FLT1: variants seen among roughly 807,000 people sequenced by gnomAD.
FLT1 encodes the protein vascular endothelial growth factor receptor 1.
A neutral mutation model predicts 156.3 loss-of-function variants in FLT1; 49 were observed. The observed-to-expected ratio is 0.31, with a 90% CI of 0.25 to 0.40. The LOEUF is 0.40. FLT1 is among the 10% of genes least tolerant of loss of function. The pLI, the probability that FLT1 is intolerant of heterozygous loss-of-function variation, is 1.00. For synonymous variants in FLT1, 594 were observed against 583.8 expected (o/e 1.02, Z -0.25); for missense variants, 1,322 against 1,637.2 (o/e 0.81, Z 3.32).
Position 28,323,371 on chromosome 13 carries a change from G to T in FLT1, c.2797-425C>A, listed in dbSNP as rs946965999. ...ATGCAGCTAATAAATAGCAAAGCTGGCCGGGCACAGTGGCTCACGCCTGTA... is the reference window on the plus strand; with the variant it reads ...ATGCAGCTAATAAATAGCAAAGCTGTCCGGGCACAGTGGCTCACGCCTGTA... On this transcript the variant is annotated intron_variant, in intron 20 of 29. Coordinates refer to ENST00000282397, the MANE Select transcript of FLT1 (RefSeq NM_002019.4). Among the ~76,000 whole-genome samples, 5 of 152,186 alleles carry T rather than the reference G, an allele frequency of 3.3e-5. No homozygotes were observed. In the East Asian group the frequency reaches 7.7e-4, roughly 23 times the overall value.
Position 28,469,105 on chromosome 13 carries a change from G to A in FLT1, c.65-1488C>T, listed in dbSNP as rs551528311. Among the ~76,000 whole-genome samples, 6 of 152,248 alleles carry A rather than the reference G, an allele frequency of 3.9e-5. No individual in the cohort carries two copies. In the East Asian group the frequency reaches 5.8e-4, roughly 15 times the overall value. ...CTTCCCAGGCAGCTGCAATGCCTCC[G>A]AAAGGCAGGGAATGAGGGGCCCAGG... On this transcript the variant is annotated intron_variant, in intron 1 of 29. Transcript: ENST00000282397.
chr13:28,474,505 C>CACACACACACACACACAGAGACACACAG (rs1555245751), intron 1 of FLT1, among the ~76,000 whole-genome samples: 5 of 150,804 alleles, frequency 3.3e-5, no homozygotes, highest in Admixed American at 1.3e-4. Flanking sequence ...CACACACACA[C>CACACACACACACACACAGAGACACACAG]ACACACACAC....
At chr13:28,446,376 C>G (rs964078783) in intron 3 of FLT1, among the ~76,000 whole-genome samples, 1 of 152,128 alleles carries the variant, frequency 6.6e-6, no homozygotes, top group African/African-American at 2.4e-5. Flanking sequence ...GGAAAACAGT[C>G]TCTGTTTTCA....
chr13:28,388,339 C>T, intron 13 of FLT1: 1 of 1,058,074 alleles, frequency 9.5e-7, no homozygotes, highest in African/African-American at 1.6e-5. Context: ...AATCTGTTAC[C>T]TAAAGGAGGA....
At chr13:28,365,853 TTACTC>T (rs1199200275) in intron 14 of FLT1, among the ~76,000 whole-genome samples, 1 of 152,210 alleles carries the variant, frequency 6.6e-6, no homozygotes, top group Non-Finnish European at 1.5e-5. Context: ...TTATTTCTCT[TTACTC>T]TAAGAAGCTG....
intron 12 of FLT1, among the ~76,000 whole-genome samples, chr13:28,395,604 G>A (rs977205058): frequency 7.7e-5 from 11 of 142,818 alleles, no homozygotes; most frequent in East Asian, 1.9e-4. Context: ...TTAAAAAAAC[G>A]TGGTTACTAG....
At chr13:28,308,570 G>T (rs2138809517) in intron 28 of FLT1, 1 of 454,262 alleles carries the variant, frequency 2.2e-6, no homozygotes, top group Non-Finnish European at 4.1e-6. Flanking sequence ...TGACAGCTAA[G>T]CAGCTTAGAA....
intron 1 of FLT1, among the ~76,000 whole-genome samples, chr13:28,482,765 T>C (rs1880935098): frequency 6.6e-6 from 1 of 152,246 alleles, no homozygotes; most frequent in Non-Finnish European, 1.5e-5. Context: ...CTAAGTTTAA[T>C]GTCAGTCTCA....
At chr13:28,424,119 A>C (rs1398456676) in intron 10 of FLT1, among the ~76,000 whole-genome samples, 1 of 151,786 alleles carries the variant, frequency 6.6e-6, no homozygotes, top group Non-Finnish European at 1.5e-5. Flanking sequence ...TTGTATTTTA[A>C]GTAGTGGCGG....
At chr13:28,347,068 T>C (rs993338525) in intron 15 of FLT1, among the ~76,000 whole-genome samples, 19 of 152,146 alleles carry the variant, frequency 1.2e-4, no homozygotes, top group Admixed American at 1.1e-3. Flanking sequence ...ACAAAGAAAT[T>C]AGATTTTGAA....
rs80221128 is a variant in FLT1, at chr13:28,477,139, G to A, written c.65-9522C>T. 6.1e-3 allele frequency among the ~76,000 whole-genome samples: 926 copies of A among 152,228 alleles called. 6 individuals are homozygous for A. The highest frequency in any genetic ancestry group is 0.021 in the African/African-American group (869 of 41,528). On this transcript the variant is annotated intron_variant, in intron 1 of 29. Transcript: ENST00000282397. The stretch of plus-strand genomic sequence containing the variant: ...CATTCCTACTGTCTATGTTTATGAG[G>A]GAAACATGTCTTCCGCATGCCTCTC...
chr13:28,358,076 T>C (rs373219846), intron 14 of FLT1, among the ~76,000 whole-genome samples: 1 of 152,184 alleles, frequency 6.6e-6, no homozygotes, highest in Non-Finnish European at 1.5e-5. Flanking sequence ...GCCCTCTGTG[T>C]GCTCGGCACT....
chr13:28,441,372 C>T (rs1162365984), intron 3 of FLT1, among the ~76,000 whole-genome samples: 2 of 152,148 alleles, frequency 1.3e-5, no homozygotes, highest in Admixed American at 1.3e-4. Flanking sequence ...TAGTTTGCTT[C>T]CTCTCATTCC....
chr13:28,421,902 C>T (rs1449056205), intron 10 of FLT1, among the ~76,000 whole-genome samples: 1 of 152,164 alleles, frequency 6.6e-6, no homozygotes, highest in African/African-American at 2.4e-5. Context: ...AAGAACTGGC[C>T]AAGGTCACAC....
chr13:28,351,498 C>T (rs1008869037), intron 15 of FLT1, among the ~76,000 whole-genome samples: 8 of 152,152 alleles, frequency 5.3e-5, no homozygotes, highest in African/African-American at 1.9e-4. Flanking sequence ...ATCCAGGTAA[C>T]CTTACTTACT....
intron 4 of FLT1, 94 bp from the exon 5 acceptor site, chr13:28,434,314 TA>T: frequency 8.3e-7 from 1 of 1,210,262 alleles, no homozygotes; most frequent in Non-Finnish European, 1.2e-6. Context: ...ATTTTTCATC[TA>T]AAATGAAAAT....
At chr13:28,478,165 T>C (rs1880653413) in intron 1 of FLT1, among the ~76,000 whole-genome samples, 1 of 152,188 alleles carries the variant, frequency 6.6e-6, no homozygotes. Flanking sequence ...AGATTTCTAA[T>C]CTCTAAATTA....
chr13:28,315,563 C>G (rs866319272), intron 25 of FLT1, among the ~76,000 whole-genome samples: 23 of 152,020 alleles, frequency 1.5e-4, no homozygotes, highest in African/African-American at 5.6e-4. Flanking sequence ...CTCAAAAAAA[C>G]AAACAAAAAA....
chr13:28,327,658 G>GCCCTT lies in FLT1; in HGVS notation c.2708-109_2708-108insAAGGG, dbSNP rs1247422067. 9.5e-5 allele frequency: 71 copies of GCCCTT among 746,850 alleles called. No homozygotes were observed. The African/African-American group carries it at 1.1e-3, about 11-fold the overall frequency. The allele number at this position is 746,850 out of a possible 1,614,324, so 46.3% of individuals were successfully genotyped here. A position where few individuals can be genotyped will look rare whatever the true frequency, so the allele number is the denominator to read the frequency against. On this transcript the variant is annotated intron_variant, in intron 19 of 29. Transcript: ENST00000282397. The stretch of plus-strand genomic sequence containing the variant: ...CTCAAACCAACCAGCCTTTGTATTA[G>GCCCTT]TGGGGCGAAGGGATGCGATTTAGGG...
Sources: allele counts gnomAD v4.1 joint callset (sites outside exome capture counted in the v4.1 genomes callset), GRCh38; gene constraint gnomAD v4.1.1; transcripts MANE v1.5; gene names NCBI Gene and HGNC (gene_info 2026-07-23, HGNC 2026-07-21).